The following AGPAT4 variants were observed in gnomAD, a reference collection of about 807,000 sequenced individuals.
AGPAT4 encodes 1-acylglycerol-3-phosphate O-acyltransferase 4.
A neutral mutation model predicts 48.0 loss-of-function variants in AGPAT4; 15 were observed. That is an observed-to-expected ratio of 0.31 (90% CI 0.21 to 0.48). AGPAT4 has a LOEUF of 0.48. Ranked by LOEUF, AGPAT4 falls within the 20% of genes least tolerant of loss-of-function variation. The pLI is 0.99. For synonymous variants in AGPAT4, 178 were observed against 198.7 expected, an observed-to-expected ratio of 0.90 and a Z score of 0.88; for missense variants, 314 against 482.5, an observed-to-expected ratio of 0.65 and a Z score of 3.27.
At chr6:161,199,147 A>G (rs1583322666) in intron 2 of AGPAT4, among the ~76,000 whole-genome samples, 1 of 152,018 alleles carries the variant, frequency 6.6e-6, no homozygotes, top group South Asian at 2.1e-4. Context: ...TCTTTTCTGC[A>G]TAAATAGCAC....
chr6:161,210,654 A>G (rs1313721298), intron 2 of AGPAT4, among the ~76,000 whole-genome samples: 1 of 152,222 alleles, frequency 6.6e-6, no homozygotes, highest in Non-Finnish European at 1.5e-5. Context: ...AGCTAGCTTT[A>G]AAATTATTGG....
In AGPAT4 at chr6:161,270,797, G is replaced by A. The variant is rs934015621; in HGVS notation, c.-90+3141C>T. Among the ~76,000 whole-genome samples, 1 of 151,876 alleles carries A rather than the reference G, an allele frequency of 6.6e-6. No individual in the cohort carries two copies. The highest frequency in any genetic ancestry group is 1.5e-5 in the Non-Finnish European group (1 of 67,952). On this transcript the variant is annotated intron_variant, in intron 1 of 8. Coordinates refer to ENST00000320285, the MANE Select transcript of AGPAT4 (RefSeq NM_020133.3). The surrounding 1 kb of genome is among the most constrained non-coding windows in gnomAD (Gnocchi z 5.3). ...ACTTCATCTCAAAAAAAAAATAAAT[G>A]TGAATGCGGCTTTGTCCCATAACCA...
At position 161,217,708 on chromosome 6, in the gene AGPAT4, T is replaced by G. The variant is rs1255948460; in HGVS notation, c.178+14328A>C. The stretch of plus-strand genomic sequence containing the variant: ...TAATTACCCTGGTGAAAGGACTGGC[T>G]GGGAGAGGCATGGCATATTCAGAAA... On this transcript the variant is annotated intron_variant, in intron 2 of 8. Coordinates refer to ENST00000320285, the MANE Select transcript of AGPAT4 (RefSeq NM_020133.3). This position sits in a 1 kb window ranked among gnomAD's most constrained non-coding sequence, Gnocchi z 4.9. 1.3e-5 allele frequency among the ~76,000 whole-genome samples: 2 copies of G among 152,224 alleles called. No homozygotes were observed. Among genetic ancestry groups the G allele is most frequent in the African/African-American group, 4.8e-5 (2 of 41,468 alleles).
In AGPAT4 at chr6:161,245,741, T is replaced by C. The variant is rs1433177988; in HGVS notation, c.-89-13439A>G. Among the ~76,000 whole-genome samples, 1 of 152,126 alleles carries C rather than the reference T, an allele frequency of 6.6e-6. No individual in the cohort carries two copies. Among genetic ancestry groups the C allele is most frequent in the African/African-American group, 2.4e-5 (1 of 41,438 alleles). On this transcript the variant is annotated intron_variant, in intron 1 of 8. Coordinates refer to ENST00000320285, the MANE Select transcript of AGPAT4 (RefSeq NM_020133.3). This position sits in a 1 kb window ranked among gnomAD's most constrained non-coding sequence, Gnocchi z 5.2. ...CCTTGAGTTCTTGGAGATCCTGTCA[T>C]TGCCAATCCTAGTTTCTGGTAAGGA...
In AGPAT4 at chr6:161,232,415, A is replaced by T. The variant is rs1782146684; in HGVS notation, c.-89-113T>A. On this transcript the variant is annotated intron_variant, in intron 1 of 8. Transcript: ENST00000320285. This position sits in a 1 kb window ranked among gnomAD's most constrained non-coding sequence, Gnocchi z 6.8. ...ACTTGAGGTTAAACTCATGTGCGTT[A>T]GTTGATTTATCTTTATTTTGCAAAC... 1.1e-5 allele frequency: 6 copies of T among 544,098 alleles called. No individual in the cohort carries two copies. In the South Asian group the frequency reaches 1.5e-4, roughly 13 times the overall value. The allele number at this position is 544,098 out of a possible 1,614,324, so 33.7% of individuals were successfully genotyped here.
chr6:161,153,568 C>T (rs1471850536), intron 4 of AGPAT4, 69 bp from the exon 5 acceptor site: 10 of 1,563,302 alleles, frequency 6.4e-6, no homozygotes, highest in Admixed American at 1.8e-5. Context: ...CATGCATGGC[C>T]CTGGGGTCAC....
rs116596474 is a variant in AGPAT4, at chr6:161,232,704, C to T, written c.-89-402G>A. Among the ~76,000 whole-genome samples, 542 of 152,264 alleles carry T rather than the reference C, an allele frequency of 3.6e-3. 3 individuals are homozygous for T. Among genetic ancestry groups the T allele is most frequent in the African/African-American group, 0.012 (512 of 41,556 alleles). ...CCGGCCTCCCCTCCTGCTGCCATCG[C>T]GGCCTGAGCCCCATTCTCTCACCCC... On this transcript the variant is annotated intron_variant, in intron 1 of 8. Coordinates refer to ENST00000320285, the MANE Select transcript of AGPAT4 (RefSeq NM_020133.3). This position sits in a 1 kb window ranked among gnomAD's most constrained non-coding sequence, Gnocchi z 6.8.
intron 2 of AGPAT4, among the ~76,000 whole-genome samples, chr6:161,170,109 A>G (rs1304605256): frequency 1.3e-5 from 2 of 152,126 alleles, no homozygotes; most frequent in African/African-American, 4.8e-5. Flanking sequence ...GTTTTAGCCC[A>G]TTCTCATGAG....
At chr6:161,179,286 G>C (rs1780518139) in intron 2 of AGPAT4, among the ~76,000 whole-genome samples, 2 of 152,162 alleles carry the variant, frequency 1.3e-5, no homozygotes, top group Admixed American at 1.3e-4. Context: ...CCAGACACAA[G>C]GGCCCAGCAC....
In AGPAT4 at chr6:161,192,778, G is replaced by A. The variant is rs145202617; in HGVS notation, c.179-26361C>T. ...TATTCTTGGAAGTTATTTTTGCTAA[G>A]TGTAGAGTTCTAGACTAGAACTTCT... On this transcript the variant is annotated intron_variant, in intron 2 of 8. Transcript: ENST00000320285. 1.7e-4 allele frequency among the ~76,000 whole-genome samples: 26 copies of A among 152,294 alleles called. No individual in the cohort carries two copies. In the East Asian group the frequency reaches 2.7e-3, roughly 16 times the overall value.
chr6:161,236,588 C>T lies in AGPAT4; in HGVS notation c.-89-4286G>A, dbSNP rs946699341. Among the ~76,000 whole-genome samples the T allele has an allele frequency of 6.6e-6, 1 of 151,994 alleles. No homozygotes were observed. The highest frequency in any genetic ancestry group is 2.1e-4 in the South Asian group (1 of 4,812). On this transcript the variant is annotated intron_variant, in intron 1 of 8. Transcript: ENST00000320285. The surrounding 1 kb of genome is among the most constrained non-coding windows in gnomAD (Gnocchi z 5.0). ...TACCTCTGGGGGCAGACAAGTGACC[C>T]GATGAGGGCTTAAAGCAGTAAAAGG...
intron 1 of AGPAT4, among the ~76,000 whole-genome samples, chr6:161,260,423 G>T (rs1783065712): frequency 6.6e-6 from 1 of 152,098 alleles, no homozygotes; most frequent in Non-Finnish European, 1.5e-5. Context: ...ACTTTGGGAG[G>T]CTGAGGCAGG....
intron 2 of AGPAT4, among the ~76,000 whole-genome samples, chr6:161,230,575 CA>C (rs1410180614): frequency 3.3e-5 from 5 of 152,164 alleles, no homozygotes; most frequent in Non-Finnish European, 7.4e-5. Context: ...AGTTCCTGTC[CA>C]AATCATCTCC....
rs1389938856 is a variant in AGPAT4 at position 161,130,648 on chromosome 6, A to AG, written c.*5891dup. Reference sequence around the variant, plus strand: ...CTTTCCTTGATAGAACAAGCAAAAGAGGGGCTGATCCATCTCCCGTGAACA... The same window carrying AG: ...CTTTCCTTGATAGAACAAGCAAAAGAGGGGGCTGATCCATCTCCCGTGAACA... On this transcript the variant is annotated 3_prime_UTR_variant, in exon 9 of 9. Coordinates refer to ENST00000320285, the MANE Select transcript of AGPAT4 (RefSeq NM_020133.3). 8 of 272,810 alleles carry AG rather than the reference A, an allele frequency of 2.9e-5. No homozygotes were observed. The highest frequency in any genetic ancestry group is 5.3e-5 in the Non-Finnish European group (7 of 132,372). The allele number at this position is 272,810 out of a possible 1,614,324, so 16.9% of individuals were successfully genotyped here.
rs1486853228 is a variant in AGPAT4 at position 161,178,760 on chromosome 6, G to A, written c.179-12343C>T. On this transcript the variant is annotated intron_variant, in intron 2 of 8. Transcript: ENST00000320285. The surrounding 1 kb of genome is among the most constrained non-coding windows in gnomAD (Gnocchi z 5.1). Reference sequence around the variant, plus strand: ...TGTTCCTATTCGGCCATCTTGCCATGGTTGATCACTTTTGTCATATTTTTA... The same window carrying A: ...TGTTCCTATTCGGCCATCTTGCCATAGTTGATCACTTTTGTCATATTTTTA... Among the ~76,000 whole-genome samples the A allele has an allele frequency of 6.6e-6, 1 of 152,198 alleles. No homozygotes were observed. Among genetic ancestry groups the A allele is most frequent in the Non-Finnish European group, 1.5e-5 (1 of 68,028 alleles).
chr6:161,271,166 A>G (rs1230997423), intron 1 of AGPAT4, among the ~76,000 whole-genome samples: 1 of 152,196 alleles, frequency 6.6e-6, no homozygotes, highest in Non-Finnish European at 1.5e-5. Context: ...TACCTGCTCT[A>G]CTTCTATACT....
chr6:161,145,117 G>A (rs923305976), intron 7 of AGPAT4, among the ~76,000 whole-genome samples: 1 of 151,686 alleles, frequency 6.6e-6, no homozygotes, highest in African/African-American at 2.4e-5. Flanking sequence ...CTCTGTCGGG[G>A]CACATATGTG....
In AGPAT4 at chr6:161,166,567, G is replaced by T; in HGVS notation, c.179-150C>A. The T allele has an allele frequency of 1.3e-6, 1 of 774,750 alleles. No homozygotes were observed. Among genetic ancestry groups the T allele is most frequent in the Non-Finnish European group, 1.9e-6 (1 of 518,702 alleles). 48.0% of individuals were successfully genotyped at this position (774,750 alleles called of 1,614,324 possible). On this transcript the variant is annotated intron_variant, in intron 2 of 8. Coordinates refer to ENST00000320285, the MANE Select transcript of AGPAT4 (RefSeq NM_020133.3). The surrounding 1 kb of genome is among the most constrained non-coding windows in gnomAD (Gnocchi z 6.7). ...CGTTGCAGCACAGACCTTGGTCCTTGAAAGGGTTCAGAAGCGGAAGGAAAC... is the reference window on the plus strand; with the variant it reads ...CGTTGCAGCACAGACCTTGGTCCTTTAAAGGGTTCAGAAGCGGAAGGAAAC...
In AGPAT4 at chr6:161,183,795, C is replaced by T. The variant is rs188756295; in HGVS notation, c.179-17378G>A. Among the ~76,000 whole-genome samples, 451 of 148,786 alleles carry T rather than the reference C, an allele frequency of 3.0e-3. 3 individuals are homozygous for T. The highest frequency in any genetic ancestry group is 0.01 in the African/African-American group (408 of 40,012). On this transcript the variant is annotated intron_variant, in intron 2 of 8. Transcript: ENST00000320285. ...GGGGCCCAGAAGGCCTCTCAGATGA[C>T]GCGTATATGAGAAGAGACCTGAGAG... is the stretch of plus-strand genomic sequence containing the variant.
Sources: allele counts gnomAD v4.1 joint callset (sites outside exome capture counted in the v4.1 genomes callset), GRCh38; gene constraint gnomAD v4.1.1; non-coding constraint Gnocchi (gnomAD v3.1); transcripts MANE v1.5; gene names NCBI Gene and HGNC (gene_info 2026-07-23, HGNC 2026-07-21).